SPTBN1: variants seen among roughly 807,000 people sequenced by gnomAD.
SPTBN1 encodes the protein spectrin beta, non-erythrocytic 1, also known as spectrin beta chain, non-erythrocytic 1.
In SPTBN1, 32 loss-of-function variants were observed where a neutral mutation model predicts 266.4. The observed-to-expected ratio is 0.12, with a 90% CI of 0.09 to 0.16. The LOEUF (loss-of-function observed/expected upper bound fraction) is 0.16, where lower values mean the gene tolerates loss of function less well. SPTBN1 is among the 10% of genes least tolerant of loss of function. The pLI, the probability that SPTBN1 is intolerant of heterozygous loss-of-function variation, is 1.00. For synonymous variants in SPTBN1, 1,336 were observed against 1,162.2 expected (o/e 1.15, Z -3.04); for missense variants, 2,296 against 3,067.1 (o/e 0.75, Z 5.94).
Position 54,653,438 on chromosome 2 carries a change from G to A in SPTBN1, c.5578-171G>A, listed in dbSNP as rs534556120. 2.0e-6 allele frequency: 2 copies of A among 1,010,138 alleles called. No homozygotes were observed. Among genetic ancestry groups the A allele is most frequent in the South Asian group, 3.6e-5 (2 of 55,742 alleles). The allele number at this position is 1,010,138 out of a possible 1,614,324, so 62.6% of individuals were successfully genotyped here. A position where few individuals can be genotyped will look rare whatever the true frequency, so the allele number is the denominator to read the frequency against. ...TAGTTGAACAGATTTATAGAAAACG[G>A]GTTTTTGTGACTTGGATCTCCCCAG... On this transcript the variant is annotated intron_variant, in intron 26 of 35. Transcript: ENST00000356805. This position sits in a 1 kb window ranked among gnomAD's most constrained non-coding sequence, Gnocchi z 5.1.
chr2:54,513,383 G>A (rs751119853), intron 1 of SPTBN1, among the ~76,000 whole-genome samples: 4 of 152,110 alleles, frequency 2.6e-5, no homozygotes, highest in Non-Finnish European at 4.4e-5. Context: ...TAGATTTGCA[G>A]AGGATTTTGG....
intron 3 of SPTBN1, among the ~76,000 whole-genome samples, chr2:54,610,076 T>C (rs1257424438): frequency 6.6e-6 from 1 of 152,152 alleles, no homozygotes; most frequent in Non-Finnish European, 1.5e-5. Flanking sequence ...AAGATACACT[T>C]TTCCTTCATT....
chr2:54,617,571 AT>A, intron 5 of SPTBN1, 36 bp from the exon 6 acceptor site: 1 of 1,603,134 alleles, frequency 6.2e-7, no homozygotes, highest in Non-Finnish European at 8.5e-7. Context: ...CCATGTGGTA[AT>A]TGTGTTGCTT....
At chr2:54,569,977 C>T (rs1040538184) in intron 2 of SPTBN1, among the ~76,000 whole-genome samples, 1 of 149,008 alleles carries the variant, frequency 6.7e-6, no homozygotes, top group Non-Finnish European at 1.5e-5. Context: ...CCATTCCCCC[C>T]CCCCTTTAGA....
chr2:54,570,701 C>G (rs978648462), intron 2 of SPTBN1, among the ~76,000 whole-genome samples: 1 of 152,162 alleles, frequency 6.6e-6, no homozygotes, highest in African/African-American at 2.4e-5. Context: ...GTGGTTACAG[C>G]TAAGATTGTA....
chr2:54,475,413 C>CT (rs1181411301), intron 1 of SPTBN1, among the ~76,000 whole-genome samples: 2 of 152,068 alleles, frequency 1.3e-5, no homozygotes, highest in Non-Finnish European at 2.9e-5. Flanking sequence ...TGTTTAGAAA[C>CT]TTTTAATGAT....
chr2:54,600,937 T>C (rs1173578346), intron 3 of SPTBN1, among the ~76,000 whole-genome samples: 2 of 152,158 alleles, frequency 1.3e-5, no homozygotes, highest in Non-Finnish European at 2.9e-5. Flanking sequence ...ATTGTGTCCT[T>C]GATAATGTCC....
chr2:54,573,319 C>T (rs1030992429), intron 2 of SPTBN1, among the ~76,000 whole-genome samples: 12 of 152,158 alleles, frequency 7.9e-5, no homozygotes, highest in African/African-American at 2.4e-4. Context: ...GAAACTCTTC[C>T]ACCTCAGATC....
chr2:54,500,467 G>GT (rs1318034468), intron 1 of SPTBN1, among the ~76,000 whole-genome samples: 2 of 152,078 alleles, frequency 1.3e-5, no homozygotes, highest in African/African-American at 4.8e-5. Flanking sequence ...GGTATTTGAG[G>GT]TTTCTAAAGT....
Position 54,640,647 on chromosome 2 carries a change from G to C in SPTBN1, c.3859-2336G>C, listed in dbSNP as rs542559380. Among the ~76,000 whole-genome samples, 86 of 152,312 alleles carry C rather than the reference G, an allele frequency of 5.6e-4. 1 individual carries two copies. Among genetic ancestry groups the C allele is most frequent in the African/African-American group, 1.6e-3 (67 of 41,564 alleles). ...GCTCACTACAGCCCCCACCTCCCGG[G>C]TTCAAGCAAGTCTCCTACCTCAGCC... is the stretch of plus-strand genomic sequence containing the variant. On this transcript the variant is annotated intron_variant, in intron 18 of 35. Transcript: ENST00000356805.
At chr2:54,498,914 C>T (rs1669111083) in intron 1 of SPTBN1, among the ~76,000 whole-genome samples, 2 of 152,064 alleles carry the variant, frequency 1.3e-5, no homozygotes, top group African/African-American at 2.4e-5. Context: ...GGTTAAGGAA[C>T]TTTATAATAC....
In SPTBN1 at chr2:54,646,663, T is replaced by A. The variant is rs912857545; in HGVS notation, c.4866+188T>A. Among the ~76,000 whole-genome samples the A allele has an allele frequency of 6.6e-6, 1 of 152,248 alleles. No individual in the cohort carries two copies. The highest frequency in any genetic ancestry group is 1.9e-4 in the East Asian group (1 of 5,194). On this transcript the variant is annotated intron_variant, in intron 23 of 35. Transcript: ENST00000356805. The surrounding 1 kb of genome is among the most constrained non-coding windows in gnomAD (Gnocchi z 4.4). ...TTCCCTTTGGTGCAGCATTTTCTTA[T>A]CTGAATCCTAGTGTGCCATTAAGAA...
In SPTBN1 at chr2:54,653,400, G is replaced by GA; in HGVS notation, c.5578-207dup. The GA allele has an allele frequency of 7.6e-6, 5 of 662,174 alleles. No individual in the cohort carries two copies. Among genetic ancestry groups the GA allele is most frequent in the Non-Finnish European group, 1.2e-5 (5 of 422,356 alleles). 41.0% of individuals were successfully genotyped at this position (662,174 alleles called of 1,614,324 possible). A position where few individuals can be genotyped will look rare whatever the true frequency, so the allele number is the denominator to read the frequency against. On this transcript the variant is annotated intron_variant, in intron 26 of 35. Coordinates refer to ENST00000356805, the MANE Select transcript of SPTBN1 (RefSeq NM_003128.3). The surrounding 1 kb of genome is among the most constrained non-coding windows in gnomAD (Gnocchi z 5.1). The stretch of plus-strand genomic sequence containing the variant: ...TTTCATTTGTTTTATCATTCATAAA[G>GA]AACTTAATAATGTAGTTGAACAGAT...
rs776624596 is a variant in SPTBN1, at chr2:54,649,817, C to T, written c.5405C>T (p.Ala1802Val). 12 of 1,614,214 alleles carry T rather than the reference C, an allele frequency of 7.4e-6. No individual in the cohort carries two copies. The highest frequency in any genetic ancestry group is 1.1e-5 in the South Asian group (1 of 91,082). The change falls in exon 26 of 36, where the codon GCC becomes GTC. Residue 1802 changes from alanine (A) to valine (V), a missense_variant. Ala to Val is a moderately conservative substitution (Grantham distance 64). Around this residue, in one of 12 missense-constraint regions of SPTBN1, gnomAD observed 644 missense variants for 745.3 expected, o/e 0.86. Coordinates refer to ENST00000356805, the MANE Select transcript of SPTBN1 (RefSeq NM_003128.3). This position sits in a 1 kb window ranked among gnomAD's most constrained non-coding sequence, Gnocchi z 6.7. Reference protein sequence around the residue: ...ELIDTRTQILAASYELHKFYH... With the variant: ...ELIDTRTQILVASYELHKFYH... ...ATTGACACAAGAACACAGATTCTTG[C>T]CGCTTCCTATGAACTGCACAAGTTT... is the stretch of plus-strand genomic sequence containing the variant.
chr2:54,638,203 G>T (rs60939675), intron 18 of SPTBN1, among the ~76,000 whole-genome samples: 5,134 of 152,288 alleles, frequency 0.034, 200 homozygotes, highest in African/African-American at 0.088. Context: ...GGACAACACA[G>T]ATATAGAACA....
intron 2 of SPTBN1, among the ~76,000 whole-genome samples, chr2:54,580,980 C>G (rs10169954): frequency 0.34 from 51,347 of 151,550 alleles, 11,181 homozygotes; most frequent in African/African-American, 0.63. Context: ...CACGTGTAAT[C>G]CCAGCTACTT....
intron 2 of SPTBN1, among the ~76,000 whole-genome samples, chr2:54,547,399 C>T (rs769595266): frequency 5.3e-5 from 8 of 151,404 alleles, no homozygotes; most frequent in South Asian, 2.1e-4. Context: ...CTTGCTATTG[C>T]GAATGATACT....
At position 54,593,388 on chromosome 2, in the gene SPTBN1, G is replaced by A. The variant is rs984863050; in HGVS notation, c.149-5704G>A. ...GACAGCCTCACCACGTTCCTCCCAC[G>A]GAGGGCTGCTGGTTCTTTTTGTCCT... On this transcript the variant is annotated intron_variant, in intron 2 of 35. Transcript: ENST00000356805. Among the ~76,000 whole-genome samples, 6 of 152,038 alleles carry A rather than the reference G, an allele frequency of 3.9e-5. No individual in the cohort carries two copies. In the East Asian group the frequency reaches 7.7e-4, roughly 20 times the overall value.
chr2:54,545,273 AT>A (rs1341625505), intron 2 of SPTBN1: 1 of 152,194 alleles, frequency 6.6e-6, no homozygotes, highest in African/African-American at 2.4e-5. Context: ...ATGATGTATA[AT>A]CCTTTGAGTA....
Sources: gnomAD v4.1 joint callset for allele counts (sites outside exome capture counted in the v4.1 genomes callset) on GRCh38, gnomAD v4.1.1 for gene constraint, gnomAD v4.1.1 regional missense constraint, Gnocchi (gnomAD v3.1) non-coding constraint, MANE v1.5 for transcripts, NCBI Gene and HGNC (gene_info 2026-07-23, HGNC 2026-07-21) for gene names.